The following ROBO1 variants were observed in gnomAD, a reference collection of about 807,000 sequenced individuals.
The protein encoded by ROBO1 is roundabout homolog 1.
A neutral mutation model predicts 195.9 loss-of-function variants in ROBO1; 149 were observed. The ratio of observed to expected loss-of-function variants is 0.76; its 90% CI spans 0.67 to 0.87. The LOEUF (loss-of-function observed/expected upper bound fraction) is 0.87. Among genes scored for constraint, ROBO1 ranks in the 40% least tolerant of loss-of-function variants. ROBO1 has a pLI of 0.00. For missense variants in ROBO1, 1,933 were observed against 2,068.3 expected, an observed-to-expected ratio of 0.93 and a Z score of 1.27; for synonymous variants, 816 against 733.2, an observed-to-expected ratio of 1.11 and a Z score of -1.82.
chr3:78,916,263 C>A (rs114337839), intron 4 of ROBO1, among the ~76,000 whole-genome samples: 7,773 of 90,636 alleles, frequency 0.086, 293 homozygotes, highest in African/African-American at 0.14. Context: ...AAAAAAAAAA[C>A]AACTTTATTC....
intron 2 of ROBO1, among the ~76,000 whole-genome samples, chr3:79,129,858 T>A (rs1177810019): frequency 6.7e-6 from 1 of 149,592 alleles, no homozygotes; most frequent in Non-Finnish European, 1.5e-5. Context: ...GATTTTTGTA[T>A]AAGGTGTAAG....
intron 2 of ROBO1, among the ~76,000 whole-genome samples, chr3:79,348,832 G>C (rs2035231671): frequency 6.6e-6 from 1 of 152,220 alleles, no homozygotes; most frequent in African/African-American, 2.4e-5. Context: ...AAAAGGGACA[G>C]AACATAGGAG....
chr3:79,416,454 AAC>A, intron 2 of ROBO1, among the ~76,000 whole-genome samples: 1 of 151,240 alleles, frequency 6.6e-6, no homozygotes, highest in East Asian at 1.9e-4. Flanking sequence ...AAAAAAAAGA[AAC>A]AACAACAACA....
intron 2 of ROBO1, among the ~76,000 whole-genome samples, chr3:79,166,572 T>C (rs1050000277): frequency 6.7e-6 from 1 of 148,506 alleles, no homozygotes; most frequent in African/African-American, 2.6e-5. Flanking sequence ...TTTTTTTTTT[T>C]TTTTTATTTT....
chr3:79,105,469 T>C (rs2108519254), intron 3 of ROBO1, among the ~76,000 whole-genome samples: 1 of 151,800 alleles, frequency 6.6e-6, no homozygotes, highest in Non-Finnish European at 1.5e-5. Context: ...TCGAGTGGTG[T>C]AGCAATTTGG....
intron 2 of ROBO1, among the ~76,000 whole-genome samples, chr3:79,508,245 A>G (rs927462529): frequency 9.9e-5 from 15 of 151,706 alleles, no homozygotes; most frequent in Non-Finnish European, 1.6e-4. Context: ...CTAGAACTTA[A>G]AGTATAATAA....
At chr3:79,297,634 GAAGA>G (rs2109047916) in intron 2 of ROBO1, among the ~76,000 whole-genome samples, 1 of 152,116 alleles carries the variant, frequency 6.6e-6, no homozygotes, top group Admixed American at 6.5e-5. Flanking sequence ...GCTCCCATGG[GAAGA>G]AAGAAATGAA....
At chr3:79,211,915 A>T (rs903738495) in intron 2 of ROBO1, among the ~76,000 whole-genome samples, 2 of 152,178 alleles carry the variant, frequency 1.3e-5, no homozygotes, top group African/African-American at 4.8e-5. Flanking sequence ...CCTGGAACAG[A>T]GATTTACCCA....
chr3:79,166,224 T>C (rs2081060523), intron 2 of ROBO1, among the ~76,000 whole-genome samples: 1 of 152,182 alleles, frequency 6.6e-6, no homozygotes, highest in South Asian at 2.1e-4. Context: ...GAAAATTACA[T>C]ACTTAATCTA....
intron 2 of ROBO1, among the ~76,000 whole-genome samples, chr3:79,333,993 T>C (rs1289600245): frequency 6.6e-6 from 1 of 152,108 alleles, no homozygotes; most frequent in Non-Finnish European, 1.5e-5. Context: ...AGAGGCCTAC[T>C]GGACCCTCTC....
At position 79,517,382 on chromosome 3, in the gene ROBO1, T is replaced by C. The variant is rs189803417; in HGVS notation, c.88+72442A>G. On this transcript the variant is annotated intron_variant, in intron 2 of 30. Transcript: ENST00000464233. ...GCAGAAATTTCCTTGCCGGTGGCCT[T>C]TGGGTGTGAGGAGAACTTATTTTTC... 3.3e-5 allele frequency among the ~76,000 whole-genome samples: 5 copies of C among 152,294 alleles called. No homozygotes were observed. The East Asian group carries it at 9.6e-4, about 29-fold the overall frequency.
chr3:78,956,491 C>A (rs1390070141), intron 3 of ROBO1, among the ~76,000 whole-genome samples: 1 of 152,118 alleles, frequency 6.6e-6, no homozygotes. Flanking sequence ...GTTGAAATAT[C>A]TGTGTTTAAT....
At chr3:79,330,316 T>A (rs9829534) in intron 2 of ROBO1, among the ~76,000 whole-genome samples, 5,237 of 132,846 alleles carry the variant, frequency 0.039, 332 homozygotes, top group African/African-American at 0.15. Flanking sequence ...CCTCAAAAAA[T>A]AAATAAATAA....
chr3:78,965,306 G>A (rs1223606533), intron 3 of ROBO1, among the ~76,000 whole-genome samples: 2 of 152,044 alleles, frequency 1.3e-5, no homozygotes, highest in African/African-American at 4.8e-5. Flanking sequence ...TGAATTCCAT[G>A]CACATTTTAA....
chr3:79,422,781 C>T (rs1292263844), intron 2 of ROBO1, among the ~76,000 whole-genome samples: 1 of 152,014 alleles, frequency 6.6e-6, no homozygotes, highest in African/African-American at 2.4e-5. Context: ...AGAGCAAAAG[C>T]AAAGATGTGG....
At chr3:78,894,758 G>C (rs2037130823) in intron 4 of ROBO1, among the ~76,000 whole-genome samples, 1 of 152,154 alleles carries the variant, frequency 6.6e-6, no homozygotes, top group South Asian at 2.1e-4. Context: ...GTGGCTGCAG[G>C]AATCTCCGAA....
chr3:79,512,567 C>A (rs1940763040), intron 2 of ROBO1, among the ~76,000 whole-genome samples: 1 of 151,954 alleles, frequency 6.6e-6, no homozygotes, highest in South Asian at 2.1e-4. Context: ...ATTTATTGAT[C>A]TTAAAAAAAG....
chr3:79,295,251 C>T (rs1033109912), intron 2 of ROBO1, among the ~76,000 whole-genome samples: 13 of 152,076 alleles, frequency 8.5e-5, no homozygotes, highest in African/African-American at 2.4e-4. Context: ...ATATATGCCA[C>T]GGAATACTAT....
intron 4 of ROBO1, among the ~76,000 whole-genome samples, chr3:78,855,269 G>A (rs2034343384): frequency 6.6e-6 from 1 of 152,150 alleles, no homozygotes; most frequent in Non-Finnish European, 1.5e-5. Context: ...CAGATTTGGT[G>A]TCTGGAGAAC....
Sources: gnomAD v4.1 joint callset for allele counts (sites outside exome capture counted in the v4.1 genomes callset) on GRCh38, gnomAD v4.1.1 for gene constraint, MANE v1.5 for transcripts, NCBI Gene and HGNC (gene_info 2026-07-23, HGNC 2026-07-21) for gene names.